The following ROBO2 variants were observed in gnomAD, a reference collection of about 807,000 sequenced individuals.
ROBO2 encodes the protein roundabout homolog 2.
Under a neutral mutation model 160.8 loss-of-function variants are expected in ROBO2, and 53 were observed. That is an observed-to-expected ratio of 0.33 (90% confidence interval 0.26 to 0.41). The LOEUF is 0.41. Among genes scored for constraint, ROBO2 ranks in the 10% least tolerant of loss-of-function variants. The probability of loss-of-function intolerance (pLI) is 1.00; values close to 1 mark genes in which losing one functional copy is unlikely to be tolerated. For missense variants in ROBO2, 1,577 were observed against 1,722.4 expected (o/e 0.92, Z 1.49); for synonymous variants, 664 against 611.7 (o/e 1.09, Z -1.26).
At chr3:77,428,899 C>T (rs116828082) in intron 2 of ROBO2, among the ~76,000 whole-genome samples, 2,014 of 152,116 alleles carry the variant, frequency 0.013, 45 homozygotes, top group African/African-American at 0.044. Flanking sequence ...AATGCATTTT[C>T]TGTCAAAACT....
chr3:76,143,856 C>T (rs1179402235), intron 2 of ROBO2, among the ~76,000 whole-genome samples: 1 of 152,028 alleles, frequency 6.6e-6, no homozygotes, highest in Non-Finnish European at 1.5e-5. Flanking sequence ...AGTTTGAAGG[C>T]CTCGGGGCCA....
At chr3:76,718,813 T>G (rs1339959625) in intron 2 of ROBO2, among the ~76,000 whole-genome samples, 1 of 152,218 alleles carries the variant, frequency 6.6e-6, no homozygotes, top group Non-Finnish European at 1.5e-5. Context: ...ATTAAGGACT[T>G]TATTCACTTG....
chr3:77,358,936 T>C (rs550673563), intron 2 of ROBO2, among the ~76,000 whole-genome samples: 6 of 152,240 alleles, frequency 3.9e-5, no homozygotes, highest in Non-Finnish European at 7.3e-5. Context: ...GGAAAATCTG[T>C]TGCTGAGTAT....
chr3:76,184,762 C>T (rs1436080821), intron 2 of ROBO2, among the ~76,000 whole-genome samples: 1 of 152,080 alleles, frequency 6.6e-6, no homozygotes, highest in Admixed American at 6.6e-5. Flanking sequence ...GGACAAAAAC[C>T]TGAGAACCTG....
intron 2 of ROBO2, among the ~76,000 whole-genome samples, chr3:77,202,603 A>C (rs1422777514): frequency 6.6e-6 from 1 of 152,170 alleles, no homozygotes; most frequent in African/African-American, 2.4e-5. Context: ...GAGTAATGAA[A>C]TCTAAGAAAT....
At chr3:76,628,615 ACT>A (rs2109400080) in intron 2 of ROBO2, among the ~76,000 whole-genome samples, 1 of 152,064 alleles carries the variant, frequency 6.6e-6, no homozygotes, top group South Asian at 2.1e-4. Context: ...TGAAAAGGAA[ACT>A]TTTTTTTCCT....
chr3:76,212,231 T>G (rs112392627), intron 2 of ROBO2, among the ~76,000 whole-genome samples: 81 of 152,186 alleles, frequency 5.3e-4, no homozygotes, highest in African/African-American at 1.8e-3. Flanking sequence ...TTTAGTATTT[T>G]ACTACCTAAT....
intron 1 of ROBO2, among the ~76,000 whole-genome samples, chr3:77,089,873 T>A (rs1346857528): frequency 6.6e-6 from 1 of 152,176 alleles, no homozygotes; most frequent in African/African-American, 2.4e-5. Flanking sequence ...ATGGAAAAGT[T>A]GTTATGGACA....
At chr3:77,530,472 A>G (rs925258781) in intron 6 of ROBO2, among the ~76,000 whole-genome samples, 1 of 152,044 alleles carries the variant, frequency 6.6e-6, no homozygotes, top group Non-Finnish European at 1.5e-5. Context: ...AACTCCTTGC[A>G]GTCACAGTTG....
chr3:76,084,651 G>T (rs1002311091), intron 2 of ROBO2, among the ~76,000 whole-genome samples: 2 of 152,072 alleles, frequency 1.3e-5, no homozygotes, highest in African/African-American at 4.8e-5. Flanking sequence ...TTCCTCTAAA[G>T]TCTATCTCAT....
chr3:77,157,169 C>T (rs565913933), intron 2 of ROBO2, among the ~76,000 whole-genome samples: 1 of 152,042 alleles, frequency 6.6e-6, no homozygotes, highest in African/African-American at 2.4e-5. Flanking sequence ...GTGATGCGCC[C>T]CTATCTTTCT....
chr3:77,191,680 A>G (rs1036029953), intron 2 of ROBO2, among the ~76,000 whole-genome samples: 1 of 152,220 alleles, frequency 6.6e-6, no homozygotes, highest in African/African-American at 2.4e-5. Context: ...ATGCTGTTCC[A>G]TTTAGTGAGA....
chr3:76,404,169 T>C (rs2078002419), intron 2 of ROBO2, among the ~76,000 whole-genome samples: 1 of 151,608 alleles, frequency 6.6e-6, no homozygotes, highest in Non-Finnish European at 1.5e-5. Context: ...ATCAACTGGG[T>C]TGGGAGAATC....
At chr3:76,942,955 T>C (rs1281166283) in intron 2 of ROBO2, among the ~76,000 whole-genome samples, 1 of 152,200 alleles carries the variant, frequency 6.6e-6, no homozygotes, top group Non-Finnish European at 1.5e-5. Flanking sequence ...TCCTGTTCAT[T>C]TAGACTTGTA....
chr3:76,632,369 C>T (rs1049693219), intron 2 of ROBO2, among the ~76,000 whole-genome samples: 3 of 152,118 alleles, frequency 2.0e-5, no homozygotes, highest in Admixed American at 2.0e-4. Context: ...GTGCATTAGC[C>T]TGTTTAAGTA....
At chr3:76,640,596 A>AGTGTGT (rs59208285) in intron 2 of ROBO2, among the ~76,000 whole-genome samples, 1,725 of 147,130 alleles carry the variant, frequency 0.012, 13 homozygotes, top group Middle Eastern at 0.028. Context: ...TTTGCGTGTG[A>AGTGTGT]GTGTGTGTGT....
At chr3:77,220,316 A>G (rs1016098598) in intron 2 of ROBO2, among the ~76,000 whole-genome samples, 7 of 152,120 alleles carry the variant, frequency 4.6e-5, no homozygotes, top group African/African-American at 1.7e-4. Flanking sequence ...GGCCGAGAAA[A>G]CATACTATAG....
At chr3:77,527,470 C>A (rs759707419) in intron 6 of ROBO2, 56 bp downstream of exon 7, 10 of 1,160,644 alleles carry the variant, frequency 8.6e-6, no homozygotes, top group Non-Finnish European at 1.1e-5. Flanking sequence ...CTTCATAACT[C>A]ATGCATAGTA....
At chr3:76,175,402 C>G (rs1348308869) in intron 2 of ROBO2, among the ~76,000 whole-genome samples, 4 of 151,860 alleles carry the variant, frequency 2.6e-5, no homozygotes, top group African/African-American at 9.7e-5. Flanking sequence ...GTATCTTATT[C>G]CAGACCTATA....
Sources: allele counts gnomAD v4.1 joint callset (sites outside exome capture counted in the v4.1 genomes callset), GRCh38; gene constraint gnomAD v4.1.1; transcripts MANE v1.5; gene names NCBI Gene and HGNC (gene_info 2026-07-23, HGNC 2026-07-21).